The following TAFA1 variants were observed in gnomAD, a reference collection of about 807,000 sequenced individuals.
The protein encoded by TAFA1 is chemokine-like protein TAFA-1.
In TAFA1, 4 loss-of-function variants were observed where a neutral mutation model predicts 18.5. The observed-to-expected ratio is 0.22, with a 90% CI of 0.11 to 0.49. The LOEUF (loss-of-function observed/expected upper bound fraction) is 0.49, where lower values mean the gene tolerates loss of function less well. Among genes scored for constraint, TAFA1 ranks in the 20% least tolerant of loss-of-function variants. TAFA1 has a pLI of 0.98. For synonymous variants in TAFA1, 56 were observed against 55.2 expected (o/e 1.01, Z -0.06); for missense variants, 147 against 169.0 (o/e 0.87, Z 0.72).
At chr3:68,366,085 C>CAAAAAA (rs35861602) in intron 2 of TAFA1, among the ~76,000 whole-genome samples, 4 of 93,826 alleles carry the variant, frequency 4.3e-5, no homozygotes, top group African/African-American at 4.2e-5. Flanking sequence ...GACTCCATCT[C>CAAAAAA]AAAAAAAAAA....
intron 2 of TAFA1, among the ~76,000 whole-genome samples, chr3:68,248,808 T>C (rs1575706244): frequency 6.7e-6 from 1 of 150,070 alleles, no homozygotes; most frequent in South Asian, 2.1e-4. Context: ...TAGGGGAGGG[T>C]GTTAAGTAAA....
intron 3 of TAFA1, among the ~76,000 whole-genome samples, chr3:68,439,408 C>CATATATATATATATAT (rs1341782542): frequency 2.1e-4 from 6 of 28,230 alleles, no homozygotes; most frequent in East Asian, 1.2e-3. Flanking sequence ...AATATATATA[C>CATATATATATATATAT]ATACATATAT....
intron 3 of TAFA1, among the ~76,000 whole-genome samples, chr3:68,433,209 T>A (rs1476823870): frequency 1.3e-5 from 2 of 152,038 alleles, no homozygotes; most frequent in Non-Finnish European, 2.9e-5. Flanking sequence ...TTGGGAAACA[T>A]CTTTGCCTTT....
intron 2 of TAFA1, among the ~76,000 whole-genome samples, chr3:68,414,774 C>T (rs543768991): frequency 4.6e-5 from 7 of 152,202 alleles, no homozygotes; most frequent in South Asian, 2.1e-4. Flanking sequence ...GTAACTCAGG[C>T]GATCTGGCTT....
chr3:68,466,609 C>T (rs990757639), intron 3 of TAFA1, among the ~76,000 whole-genome samples: 7 of 152,256 alleles, frequency 4.6e-5, no homozygotes, highest in African/African-American at 1.7e-4. Context: ...TCCCAGTTAT[C>T]CACACTCCCA....
intron 2 of TAFA1, among the ~76,000 whole-genome samples, chr3:68,323,576 A>G (rs924479381): frequency 6.6e-6 from 1 of 152,232 alleles, no homozygotes; most frequent in African/African-American, 2.4e-5. Context: ...CTTCAAAATT[A>G]TGATTTTTCA....
chr3:68,417,323 C>G lies in TAFA1; in HGVS notation c.162C>G (p.Asn54Lys). ...CEVIAAHRCC[N>K]KNRIEERSQT... is the part of the protein sequence containing the mutation. ...TGATAGCAGCACACCGATGTTGTAA[C>G]AAGAATCGCATTGAGGAGCGGTCAC... The change falls in exon 3 of 5, where the codon AAC (asparagine) becomes AAG (lysine). Residue 54 changes from asparagine to lysine, a missense_variant. Physicochemically the swap from Asn to Lys is moderately conservative, Grantham distance 94. Coordinates refer to ENST00000478136, the MANE Select transcript of TAFA1 (RefSeq NM_213609.4). 6.2e-7 allele frequency: 1 copy of G among 1,613,434 alleles called. No homozygotes were observed. Among genetic ancestry groups the G allele is most frequent in the Non-Finnish European group, 8.5e-7 (1 of 1,179,604 alleles).
chr3:68,290,922 C>T (rs1462958941), intron 2 of TAFA1, among the ~76,000 whole-genome samples: 5 of 151,146 alleles, frequency 3.3e-5, no homozygotes, highest in Admixed American at 1.3e-4. Context: ...CTCTTTTTTC[C>T]TCAAGATCTA....
chr3:68,117,650 T>A (rs1405782061), intron 2 of TAFA1, among the ~76,000 whole-genome samples: 1 of 152,202 alleles, frequency 6.6e-6, no homozygotes, highest in Admixed American at 6.5e-5. Context: ...GGTTAGGTGA[T>A]GTTTATAGTT....
intron 2 of TAFA1, among the ~76,000 whole-genome samples, chr3:68,188,739 G>T (rs1163794888): frequency 6.6e-6 from 1 of 151,734 alleles, no homozygotes; most frequent in Non-Finnish European, 1.5e-5. Flanking sequence ...ATGCTATTTT[G>T]CACTAAGGAC....
intron 2 of TAFA1, among the ~76,000 whole-genome samples, chr3:68,013,461 T>C (rs1483052633): frequency 6.6e-6 from 1 of 152,150 alleles, no homozygotes; most frequent in Non-Finnish European, 1.5e-5. Context: ...TAGTGAAAAA[T>C]TAAATCCCTA....
intron 2 of TAFA1, among the ~76,000 whole-genome samples, chr3:68,346,745 G>C (rs1016565152): frequency 6.6e-6 from 1 of 152,154 alleles, no homozygotes; most frequent in South Asian, 2.1e-4. Context: ...ATTTGCACAA[G>C]TTTAAATTTT....
At chr3:68,390,019 T>C (rs1483134348) in intron 2 of TAFA1, among the ~76,000 whole-genome samples, 1 of 151,968 alleles carries the variant, frequency 6.6e-6, no homozygotes. Context: ...TTCACTCCCC[T>C]GGAAAGGGGG....
intron 1 of TAFA1, among the ~76,000 whole-genome samples, chr3:68,005,042 A>C (rs1161511082): frequency 6.6e-6 from 1 of 151,976 alleles, no homozygotes; most frequent in Non-Finnish European, 1.5e-5. Flanking sequence ...TTTTTTTTTC[A>C]AGTTTGGATG....
At chr3:68,297,254 G>C (rs1396062144) in intron 2 of TAFA1, among the ~76,000 whole-genome samples, 1 of 152,110 alleles carries the variant, frequency 6.6e-6, no homozygotes, top group African/African-American at 2.4e-5. Context: ...ATTTGATTAG[G>C]GTATTTCTCT....
At chr3:68,357,783 T>C (rs1052506606) in intron 2 of TAFA1, among the ~76,000 whole-genome samples, 1 of 151,952 alleles carries the variant, frequency 6.6e-6, no homozygotes, top group African/African-American at 2.4e-5. Context: ...GAGATGTAAG[T>C]GTCCCTGAGC....
chr3:68,399,486 G>A (rs1442445920), intron 2 of TAFA1, among the ~76,000 whole-genome samples: 2 of 152,008 alleles, frequency 1.3e-5, no homozygotes, highest in Non-Finnish European at 2.9e-5. Flanking sequence ...GAGTTATTTG[G>A]ACTTCACCTT....
Position 68,015,810 on chromosome 3 carries a change from G to A in TAFA1, c.118+9066G>A, listed in dbSNP as rs1056953855. Among the ~76,000 whole-genome samples the A allele has an allele frequency of 5.9e-5, 9 of 152,214 alleles. No individual in the cohort carries two copies. In the East Asian group the frequency reaches 1.7e-3, roughly 29 times the overall value. Reference sequence around the variant, plus strand: ...TTATGATATCATATATATTCATTTTGTCTATGAATAAAGGCTACTTATTAG... The same window carrying A: ...TTATGATATCATATATATTCATTTTATCTATGAATAAAGGCTACTTATTAG... On this transcript the variant is annotated intron_variant, in intron 2 of 4. Transcript: ENST00000478136.
chr3:68,191,552 T>C (rs183127281), intron 2 of TAFA1, among the ~76,000 whole-genome samples: 30 of 151,946 alleles, frequency 2.0e-4, no homozygotes, highest in Admixed American at 1.8e-3. Context: ...CCTGTAGGAT[T>C]GATGAATTGA....
Sources: allele counts gnomAD v4.1 joint callset (sites outside exome capture counted in the v4.1 genomes callset), GRCh38; gene constraint gnomAD v4.1.1; transcripts MANE v1.5; gene names NCBI Gene and HGNC (gene_info 2026-07-23, HGNC 2026-07-21).